Variants in NF1 observed in about 807,000 individuals in gnomAD.
NF1 encodes neurofibromin 1, also known as neurofibromin.
A neutral mutation model predicts 325.7 loss-of-function variants in NF1; 122 were observed. The ratio of observed to expected loss-of-function variants is 0.37; its 90% CI spans 0.32 to 0.44. The LOEUF (loss-of-function observed/expected upper bound fraction) is 0.44, where lower values mean the gene tolerates loss of function less well. NF1 is among the 20% of genes least tolerant of loss of function. The pLI, the probability that NF1 is intolerant of heterozygous loss-of-function variation, is 1.00. For missense variants in NF1, 2,140 were observed against 3,415.4 expected, an observed-to-expected ratio of 0.63 and a Z score of 9.31; for synonymous variants, 1,091 against 1,186.0, an observed-to-expected ratio of 0.92 and a Z score of 1.65.
chr17:31,211,231 T>C (rs2066723214), intron 12 of NF1, among the ~76,000 whole-genome samples: 1 of 152,208 alleles, frequency 6.6e-6, no homozygotes, highest in African/African-American at 2.4e-5. Flanking sequence ...ACCTGCAATA[T>C]AGAAGATCAA....
chr17:31,318,235 G>A (rs2069075248), intron 36 of NF1: 2 of 1,524,132 alleles, frequency 1.3e-6, no homozygotes, highest in Non-Finnish European at 1.8e-6. Context: ...AACACTTTGG[G>A]ATTAAATACC....
intron 1 of NF1, among the ~76,000 whole-genome samples, chr17:31,142,257 A>T (rs1365613556): frequency 2.0e-5 from 3 of 152,230 alleles, no homozygotes; most frequent in African/African-American, 7.2e-5. Context: ...GTTTAGCTTT[A>T]CATTTCTTCC....
At position 31,165,605 on chromosome 17, in the gene NF1, C is replaced by T. The variant is rs1163120191; in HGVS notation, c.479+2229C>T. 7.9e-5 allele frequency among the ~76,000 whole-genome samples: 12 copies of T among 152,146 alleles called. No individual in the cohort carries two copies. The South Asian group carries it at 8.3e-4, about 11-fold the overall frequency. On this transcript the variant is annotated intron_variant, in intron 4 of 57. Coordinates refer to ENST00000358273, the MANE Select transcript of NF1 (RefSeq NM_001042492.3). ...ATGTTTCGTGTTTGTCCATTCTCCCCGTCAATGTTTCTCCTTTAAGATTAA... is the reference window on the plus strand; with the variant it reads ...ATGTTTCGTGTTTGTCCATTCTCCCTGTCAATGTTTCTCCTTTAAGATTAA...
rs781741727 is a variant in NF1, at chr17:31,261,765, A to G, written c.4632A>G (p.Ala1544=). ...RPFDKMATLL[A]YLGPPEHKPV... is the part of the protein sequence containing the mutation. ...TTGATAAGATGGCAACACTTCTTGC[A>G]TACCTGGGTCCTCCAGAGCACAAAC... Residue 1544 remains alanine (A), a synonymous_variant, in exon 35 of 58, where the codon GCA becomes GCG. Coordinates refer to ENST00000358273, the MANE Select transcript of NF1 (RefSeq NM_001042492.3). 1.1e-5 allele frequency: 17 copies of G among 1,612,314 alleles called. No individual in the cohort carries two copies. Among genetic ancestry groups the G allele is most frequent in the Non-Finnish European group, 1.4e-5 (17 of 1,179,994 alleles).
At chr17:31,278,463 T>G (rs1322427199) in intron 36 of NF1, among the ~76,000 whole-genome samples, 2 of 145,706 alleles carry the variant, frequency 1.4e-5, no homozygotes, top group African/African-American at 5.1e-5. Context: ...TTGAGTGATA[T>G]TTGCACAGAC....
chr17:31,228,350 A>G (rs1406386289), intron 20 of NF1, among the ~76,000 whole-genome samples: 3 of 152,190 alleles, frequency 2.0e-5, no homozygotes, highest in Admixed American at 6.5e-5. Flanking sequence ...GGAAAAAGTT[A>G]TATTTTTACG....
At chr17:31,130,655 A>G (rs1034586344) in intron 1 of NF1, among the ~76,000 whole-genome samples, 1 of 152,118 alleles carries the variant, frequency 6.6e-6, no homozygotes, top group African/African-American at 2.4e-5. Context: ...TGGGGATGGC[A>G]CTGGTGGGCT....
chr17:31,283,426 AAC>A (rs2068162287), intron 36 of NF1, among the ~76,000 whole-genome samples: 1 of 149,712 alleles, frequency 6.7e-6, no homozygotes. Flanking sequence ...CAAAAAAACA[AAC>A]AAAAAAAAAC....
In NF1 at chr17:31,114,594, C is replaced by T. The variant is rs569945820; in HGVS notation, c.60+19225C>T. ...ACCATGGGCCGGACATGGTGGCTCA[C>T]GCCTGTAATCCCAGCACTCTGGAAG... On this transcript the variant is annotated intron_variant, in intron 1 of 57. Transcript: ENST00000358273. Among the ~76,000 whole-genome samples, 10 of 151,158 alleles carry T rather than the reference C, an allele frequency of 6.6e-5. No homozygotes were observed. The East Asian group carries it at 1.4e-3, about 21-fold the overall frequency.
rs753189381 is a variant in NF1, at chr17:31,156,056, A to G, written c.134A>G (p.Asn45Ser). 49 of 1,613,596 alleles carry G rather than the reference A, an allele frequency of 3.0e-5. No homozygotes were observed. Among genetic ancestry groups the G allele is most frequent in the Middle Eastern group, 3.3e-4 (2 of 6,080 alleles). The change falls in exon 2 of 58, where the codon AAT becomes AGT. Residue 45 changes from asparagine to serine, a missense_variant. Around this residue, in one of 10 missense-constraint regions of NF1, gnomAD observed 246 missense variants for 347.8 expected, o/e 0.71. Transcript: ENST00000358273. ...STEHNKECLI[N>S]ISKYKFSLVI... ...GAGCACAACAAGGAATGTCTAATCA[A>G]TATTTCCAAATACAAGTTTTCTTTG...
intron 1 of NF1, chr17:31,138,574 A>C (rs894901872): frequency 1.3e-5 from 2 of 149,804 alleles, no homozygotes; most frequent in African/African-American, 4.9e-5. Flanking sequence ...TGCTCTCTCT[A>C]TTTTAAAAAT....
intron 36 of NF1, among the ~76,000 whole-genome samples, chr17:31,309,258 C>G (rs1422927145): frequency 6.6e-6 from 1 of 152,190 alleles, no homozygotes; most frequent in Non-Finnish European, 1.5e-5. Flanking sequence ...ATTAGGAGCA[C>G]AGTAAACATT....
chr17:31,108,302 T>G (rs1220422608), intron 1 of NF1, among the ~76,000 whole-genome samples: 3 of 127,762 alleles, frequency 2.3e-5, no homozygotes, highest in Non-Finnish European at 4.7e-5. Flanking sequence ...TGAGACAGAG[T>G]CTCACTCTAT....
rs1060500261 is a variant in NF1 at position 31,095,346 on chromosome 17, G to A, written c.37G>A (p.Val13Met). ...AHRPVEWVQAVVSRFDEQLPI... is the reference protein window; with the variant it reads ...AHRPVEWVQAMVSRFDEQLPI... ...CAGGCCGGTGGAATGGGTCCAGGCC[G>A]TGGTCAGCCGCTTCGACGAGCAGGT... The change falls in exon 1 of 58, where the codon GTG becomes ATG. Residue 13 changes from valine to methionine, a missense_variant. Physicochemically the swap from Val to Met is conservative, Grantham distance 21. This residue lies in a region of NF1 where 246 missense variants were observed against 347.8 expected (regional missense o/e 0.71). Coordinates refer to ENST00000358273, the MANE Select transcript of NF1 (RefSeq NM_001042492.3). 1.3e-6 allele frequency: 2 copies of A among 1,539,832 alleles called. No homozygotes were observed. Among genetic ancestry groups the A allele is most frequent in the East Asian group, 2.4e-5 (1 of 41,008 alleles).
At chr17:31,372,932 C>G (rs1444982782) in intron 57 of NF1, among the ~76,000 whole-genome samples, 11 of 152,182 alleles carry the variant, frequency 7.2e-5, no homozygotes, top group African/African-American at 2.7e-4. Flanking sequence ...GAGAGGATAG[C>G]TTGAGCCTGG....
In NF1 at chr17:31,377,298, CAGTT is replaced by C. The variant is rs1164925145; in HGVS notation, c.*3148_*3151del. The stretch of plus-strand genomic sequence containing the variant: ...TGTATTATTTTGCTTTTTTGTAAAG[CAGTT>C]AGTTGCTGCACATGGATAACAACAA... On this transcript the variant is annotated 3_prime_UTR_variant, in exon 58 of 58. Coordinates refer to ENST00000358273, the MANE Select transcript of NF1 (RefSeq NM_001042492.3). 7.3e-5 allele frequency: 17 copies of C among 233,208 alleles called. No homozygotes were observed. The highest frequency in any genetic ancestry group is 2.8e-4 in the Admixed American group (5 of 17,764). 14.4% of individuals were successfully genotyped at this position (233,208 alleles called of 1,614,324 possible). A position where few individuals can be genotyped will look rare whatever the true frequency, so the allele number is the denominator to read the frequency against.
Position 31,336,971 on chromosome 17 carries a change from C to T in NF1, c.6427+57C>T, listed in dbSNP as rs1321109490. The T allele has an allele frequency of 1.9e-6, 3 of 1,542,870 alleles. No homozygotes were observed. The highest frequency in any genetic ancestry group is 2.7e-6 in the Non-Finnish European group (3 of 1,128,216). ...AGTTCCTTTCTCCATTTTACTTCACCTGATCAATATAGATTATCTTATTTA... is the reference window on the plus strand; with the variant it reads ...AGTTCCTTTCTCCATTTTACTTCACTTGATCAATATAGATTATCTTATTTA... On this transcript the variant is annotated intron_variant, in intron 42 of 57. Coordinates refer to ENST00000358273, the MANE Select transcript of NF1 (RefSeq NM_001042492.3). The surrounding 1 kb of genome is among the most constrained non-coding windows in gnomAD (Gnocchi z 5.5).
chr17:31,099,466 T>A (rs1912096553), intron 1 of NF1, among the ~76,000 whole-genome samples: 1 of 152,132 alleles, frequency 6.6e-6, no homozygotes, highest in Admixed American at 6.5e-5. Context: ...AAGCTGAATG[T>A]TATCAGTTAA....
intron 13 of NF1, among the ~76,000 whole-genome samples, chr17:31,217,934 C>T (rs1005678033): frequency 3.0e-5 from 3 of 101,656 alleles, no homozygotes; most frequent in African/African-American, 6.9e-5. Context: ...CATTGCACTC[C>T]GTTTCAAAAA....
Sources: allele counts gnomAD v4.1 joint callset (sites outside exome capture counted in the v4.1 genomes callset), GRCh38; gene constraint gnomAD v4.1.1; regional missense constraint gnomAD v4.1.1; non-coding constraint Gnocchi (gnomAD v3.1); transcripts MANE v1.5; gene names NCBI Gene and HGNC (gene_info 2026-07-23, HGNC 2026-07-21).